The following ZNF3 variants were observed in gnomAD, a reference collection of about 807,000 sequenced individuals.
The protein encoded by ZNF3 is zinc finger protein 3, also known as C2-H2 type zinc finger protein.
ZNF3 carries 16 observed loss-of-function variants against 36.9 expected under a neutral mutation model. The ratio of observed to expected loss-of-function variants is 0.43; its 90% CI spans 0.29 to 0.66. The LOEUF (loss-of-function observed/expected upper bound fraction) is 0.66, where lower values mean the gene tolerates loss of function less well. Among genes scored for constraint, ZNF3 ranks in the 30% least tolerant of loss-of-function variants. ZNF3 has a pLI of 0.13. For synonymous variants in ZNF3, 201 were observed against 201.9 expected (o/e 1.00, Z 0.04); for missense variants, 462 against 543.1 (o/e 0.85, Z 1.48).
upstream of ZNF3, chr7:100,082,477 T>G (rs1795090550): frequency 6.6e-6 from 1 of 152,136 alleles, no homozygotes; most frequent in Non-Finnish European, 1.5e-5. Context: ...TCCCAGCTAC[T>G]CTGGAGGCTG....
intron 5 of ZNF3, 58 bp from the exon 6 acceptor site, chr7:100,072,270 CACAGG>C (rs2116298496): frequency 7.0e-7 from 1 of 1,425,416 alleles, no homozygotes; most frequent in East Asian, 2.3e-5. Context: ...GAGTGAAAAT[CACAGG>C]ACAGGATCAT....
At chr7:100,077,196 T>C (rs1794268624) in intron 3 of ZNF3, 107 bp downstream of exon 3, 2 of 1,395,596 alleles carry the variant, frequency 1.4e-6, no homozygotes, top group African/African-American at 1.4e-5. Context: ...GTGTGTCTTA[T>C]TCACATCTGG....
downstream of ZNF3, among the ~76,000 whole-genome samples, chr7:100,067,429 G>C (rs560069320): frequency 2.6e-5 from 4 of 152,268 alleles, no homozygotes; most frequent in African/African-American, 9.6e-5. Flanking sequence ...TCCTCGCCAA[G>C]TATTGGATTT....
At chr7:100,064,622 C>T (rs751806627) in exon 6 of ZNF3, 4 of 1,611,888 alleles carry the variant, frequency 2.5e-6, no homozygotes, top group Non-Finnish European at 2.5e-6. Context: ...CCGTAACTTT[C>T]AAGCGCTCCT....
rs532938420 is a variant in ZNF3 at position 100,078,495 on chromosome 7, C to CA, written c.-77+1040dup. ...TGGGCAATAGACAGAGACTCTGCCT[C>CA]AAAAAAAAAAAAAAAGAAAAAGAAA... is the stretch of plus-strand genomic sequence containing the variant. On this transcript the variant is annotated intron_variant, in intron 2 of 5. Coordinates refer to ENST00000299667, the MANE Select transcript of ZNF3 (RefSeq NM_032924.5). Among the ~76,000 whole-genome samples the CA allele has an allele frequency of 4.8e-3, 427 of 88,758 alleles. 1 individual carries two copies. Among genetic ancestry groups the CA allele is most frequent in the South Asian group, 0.021 (62 of 2,938 alleles). The allele number at this position is 88,758 out of a possible 152,430, so 58.2% of individuals were successfully genotyped here.
chr7:100,077,030 C>T (rs991410304), intron 3 of ZNF3: 9 of 282,766 alleles, frequency 3.2e-5, no homozygotes, highest in Non-Finnish European at 5.6e-5. Context: ...GAGATTGTGC[C>T]ACTGCACTCT....
At chr7:100,072,264 G>GA in intron 5 of ZNF3, 52 bp from the exon 6 acceptor site, 1 of 1,441,828 alleles carries the variant, frequency 6.9e-7, no homozygotes, top group Non-Finnish European at 9.3e-7. Context: ...AAGAAAGAGT[G>GA]AAAATCACAG....
At chr7:100,080,718 CAGG>C (rs1285907809) in intron 1 of ZNF3, among the ~76,000 whole-genome samples, 1 of 152,138 alleles carries the variant, frequency 6.6e-6, no homozygotes. Flanking sequence ...GAGGCTGAAG[CAGG>C]AGAAGCGCTT....
chr7:100,069,970 A>G (rs1341597643), downstream of ZNF3: 15 of 985,722 alleles, frequency 1.5e-5, no homozygotes, highest in Non-Finnish European at 1.8e-5. Flanking sequence ...ACCACACTCA[A>G]TCTCTTCTGA....
exon 6 of ZNF3, chr7:100,064,158 C>G (rs1562851156): frequency 3.7e-6 from 6 of 1,613,924 alleles, no homozygotes; most frequent in Non-Finnish European, 5.1e-6. Flanking sequence ...CAAACCTCAC[C>G]CTCCACTACA....
At chr7:100,075,047 C>T (rs1027668812) in intron 5 of ZNF3, 88 bp downstream of exon 5, 1 of 1,487,792 alleles carries the variant, frequency 6.7e-7, no homozygotes, top group Non-Finnish European at 9.0e-7. Context: ...TCTGCTGAAA[C>T]AGCTCTTTTC....
Position 100,081,289 on chromosome 7 carries a change from C to A in ZNF3, c.-198+346G>T, listed in dbSNP as rs1395116928. On this transcript the variant is annotated intron_variant, in intron 1 of 5. Coordinates refer to ENST00000299667, the MANE Select transcript of ZNF3 (RefSeq NM_032924.5). The surrounding 1 kb of genome is among the most constrained non-coding windows in gnomAD (Gnocchi z 4.3). ...CTGTGTTAACATCAAATAAAAACGT[C>A]TGGGAGAAATACCAAGTTAGGGTCG... 6.6e-6 allele frequency among the ~76,000 whole-genome samples: 1 copy of A among 152,246 alleles called. No homozygotes were observed. Among genetic ancestry groups the A allele is most frequent in the Non-Finnish European group, 1.5e-5 (1 of 68,044 alleles).
At chr7:100,078,998 C>T (rs1210223979) in intron 2 of ZNF3, 2 of 152,202 alleles carry the variant, frequency 1.3e-5, no homozygotes, top group African/African-American at 4.8e-5. Context: ...CAACTCTGGT[C>T]TTCGGGTAGC....
intron 5 of ZNF3, among the ~76,000 whole-genome samples, chr7:100,073,581 A>C (rs1430342255): frequency 6.6e-6 from 1 of 151,588 alleles, no homozygotes; most frequent in African/African-American, 2.4e-5. Context: ...CAAACTCCTG[A>C]CCTCAGTATC....
rs768803842 is a variant in ZNF3 at position 100,075,195 on chromosome 7, C to T, written c.211G>A (p.Ala71Thr). 2 of 1,614,148 alleles carry T rather than the reference C, an allele frequency of 1.2e-6. No individual in the cohort carries two copies. The highest frequency in any genetic ancestry group is 1.7e-5 in the Admixed American group (1 of 60,006). ...IRKEWKRLEPAQRDLYRDVML... is the reference protein window; with the variant it reads ...IRKEWKRLEPTQRDLYRDVML... ...ACATCTCTATAGAGGTCCCTCTGAG[C>T]AGGTTCCAAACGCTTCCACTCCTTC... Residue 71 changes from alanine to threonine, a missense_variant, in exon 5 of 6, where the codon GCT (alanine) becomes ACT (threonine). Physicochemically the swap from Ala to Thr is moderately conservative, Grantham distance 58. Coordinates refer to ENST00000299667, the MANE Select transcript of ZNF3 (RefSeq NM_032924.5).
At position 100,081,397 on chromosome 7, in the gene ZNF3, G is replaced by C. The variant is rs1331531371; in HGVS notation, c.-198+238C>G. ...ACGCTCCAGCTGGGTCGCCGTTAAA[G>C]TCACAAAACCAGAACCGGAGCCCCA... On this transcript the variant is annotated intron_variant, in intron 1 of 5. Coordinates refer to ENST00000299667, the MANE Select transcript of ZNF3 (RefSeq NM_032924.5). This position sits in a 1 kb window ranked among gnomAD's most constrained non-coding sequence, Gnocchi z 4.3. 2.0e-5 allele frequency among the ~76,000 whole-genome samples: 3 copies of C among 152,252 alleles called. No homozygotes were observed. Among genetic ancestry groups the C allele is most frequent in the Non-Finnish European group, 4.4e-5 (3 of 68,044 alleles).
chr7:100,064,600 G>A (rs764033094), exon 6 of ZNF3: 59 of 1,613,752 alleles, frequency 3.7e-5, no homozygotes, highest in Non-Finnish European at 1.0e-5. Flanking sequence ...CCACACTGGA[G>A]AGGGAGAAGC....
chr7:100,064,199 G>A (rs781008159), exon 6 of ZNF3: 16 of 1,614,056 alleles, frequency 9.9e-6, no homozygotes, highest in Non-Finnish European at 1.4e-5. Flanking sequence ...CCCTATGACT[G>A]TAAGTGTGGA....
At chr7:100,068,804 T>C (rs1266125245), downstream of ZNF3, among the ~76,000 whole-genome samples, 3 of 151,932 alleles carry the variant, frequency 2.0e-5, no homozygotes, top group Middle Eastern at 3.4e-3. Flanking sequence ...ACCACAAGTG[T>C]GCACCACCAC....
Sources: allele counts gnomAD v4.1 joint callset (sites outside exome capture counted in the v4.1 genomes callset), GRCh38; gene constraint gnomAD v4.1.1; non-coding constraint Gnocchi (gnomAD v3.1); transcripts MANE v1.5; gene names NCBI Gene and HGNC (gene_info 2026-07-23, HGNC 2026-07-21).